Variants in ELK3 observed in about 807,000 individuals in gnomAD.
ELK3 encodes the protein ETS transcription factor ELK3.
Under a neutral mutation model 28.9 loss-of-function variants are expected in ELK3, and 10 were observed. That is an observed-to-expected ratio of 0.35 (90% CI 0.21 to 0.59). ELK3 has a LOEUF of 0.59. ELK3 is among the 20% of genes least tolerant of loss of function. The pLI is 0.82. For synonymous variants in ELK3, 272 were observed against 243.5 expected, an observed-to-expected ratio of 1.12 and a Z score of -1.09; for missense variants, 463 against 517.3, an observed-to-expected ratio of 0.90 and a Z score of 1.02.
Position 96,247,388 on chromosome 12 carries a change from C to T in ELK3, c.656C>T (p.Ser219Leu), listed in dbSNP as rs143859184. 1.6e-5 allele frequency: 26 copies of T among 1,614,060 alleles called. No homozygotes were observed. Among genetic ancestry groups the T allele is most frequent in the Admixed American group, 3.3e-5 (2 of 60,014 alleles). The change falls in exon 3 of 5, where the codon TCG becomes TTG. Residue 219 changes from serine to leucine, a missense_variant. Coordinates refer to ENST00000228741, the MANE Select transcript of ELK3 (RefSeq NM_005230.4). This position sits in a 1 kb window ranked among gnomAD's most constrained non-coding sequence, Gnocchi z 5.5. ...TCCGCCTTCCTGGCCTCGTCCGTCT[C>T]GGCCAAGATCTCCTCTTTAATGTTG... Reference protein sequence around the residue: ...AASAFLASSVSAKISSLMLPN... With the variant: ...AASAFLASSVLAKISSLMLPN...
chr12:96,220,340 G>T (rs1277779070), intron 1 of ELK3, among the ~76,000 whole-genome samples: 1 of 150,058 alleles, frequency 6.7e-6, no homozygotes, highest in East Asian at 1.9e-4. Flanking sequence ...GTAAAAATGT[G>T]ATCAGCCGAT....
At chr12:96,203,383 G>T (rs1288265531) in intron 1 of ELK3, among the ~76,000 whole-genome samples, 1 of 152,224 alleles carries the variant, frequency 6.6e-6, no homozygotes, top group Non-Finnish European at 1.5e-5. Context: ...GTCATGTGCT[G>T]CATGTCTGCG....
intron 1 of ELK3, among the ~76,000 whole-genome samples, chr12:96,217,791 A>G (rs1951629648): frequency 6.6e-6 from 1 of 151,990 alleles, no homozygotes; most frequent in African/African-American, 2.4e-5. Context: ...CAAAAAAATT[A>G]GCTGGGCGTG....
In ELK3 at chr12:96,253,325, T is replaced by C. The variant is rs377253562; in HGVS notation, c.1002+5591T>C. The stretch of plus-strand genomic sequence containing the variant: ...TGTGGCAAACTTCATTATTGTCTTA[T>C]TTTAAGAAACTGCCACAGCCACCCC... On this transcript the variant is annotated intron_variant, in intron 3 of 4. Coordinates refer to ENST00000228741, the MANE Select transcript of ELK3 (RefSeq NM_005230.4). Among the ~76,000 whole-genome samples, 14 of 152,340 alleles carry C rather than the reference T, an allele frequency of 9.2e-5. No homozygotes were observed. In the East Asian group the frequency reaches 2.5e-3, roughly 27 times the overall value.
At chr12:96,197,120 C>A (rs1242419348) in intron 1 of ELK3, among the ~76,000 whole-genome samples, 3 of 152,088 alleles carry the variant, frequency 2.0e-5, no homozygotes, top group Non-Finnish European at 2.9e-5. Context: ...AGGTTGTAAA[C>A]TCTCTCCAGA....
At chr12:96,220,969 G>A (rs1240887115) in intron 1 of ELK3, among the ~76,000 whole-genome samples, 1 of 152,130 alleles carries the variant, frequency 6.6e-6, no homozygotes, top group Non-Finnish European at 1.5e-5. Flanking sequence ...TCATTCTGGG[G>A]CAGCAGCTTC....
At chr12:96,264,972 G>A (rs1474226825) in intron 4 of ELK3, among the ~76,000 whole-genome samples, 1 of 152,174 alleles carries the variant, frequency 6.6e-6, no homozygotes, top group African/African-American at 2.4e-5. Context: ...CTCGTAAGTG[G>A]TGGAGCCCTG....
intron 2 of ELK3, among the ~76,000 whole-genome samples, chr12:96,239,369 G>C: frequency 6.6e-6 from 1 of 152,054 alleles, no homozygotes; most frequent in Non-Finnish European, 1.5e-5. Flanking sequence ...TAGCAATGTC[G>C]TGTCCCCTGA....
chr12:96,229,063 G>A (rs115492985), intron 2 of ELK3, among the ~76,000 whole-genome samples: 383 of 152,244 alleles, frequency 2.5e-3, no homozygotes, highest in African/African-American at 8.6e-3. Context: ...CACTTTTGTC[G>A]CTCTGGTACC....
chr12:96,239,283 C>A (rs1951804278), intron 2 of ELK3, among the ~76,000 whole-genome samples: 1 of 152,044 alleles, frequency 6.6e-6, no homozygotes, highest in Non-Finnish European at 1.5e-5. Flanking sequence ...TGCAATAGAA[C>A]ATTTTTAAAA....
chr12:96,210,597 A>ACACACACCC (rs1416746905), intron 1 of ELK3, among the ~76,000 whole-genome samples: 21 of 149,068 alleles, frequency 1.4e-4, no homozygotes, highest in Admixed American at 9.4e-4. Flanking sequence ...ACACACACAC[A>ACACACACCC]CCCCGAGTGG....
chr12:96,209,774 A>T (rs1426125593), intron 1 of ELK3, among the ~76,000 whole-genome samples: 1 of 152,220 alleles, frequency 6.6e-6, no homozygotes, highest in Non-Finnish European at 1.5e-5. Flanking sequence ...AAAGGATTAC[A>T]TATTTTTACT....
At chr12:96,201,602 AG>A (rs1425482336) in intron 1 of ELK3, among the ~76,000 whole-genome samples, 1 of 123,984 alleles carries the variant, frequency 8.1e-6, no homozygotes, top group African/African-American at 3.0e-5. Flanking sequence ...AAAAAAAAAA[AG>A]GGATTGAAGT....
chr12:96,263,036 G>A (rs1391170817), intron 4 of ELK3, among the ~76,000 whole-genome samples: 1 of 152,010 alleles, frequency 6.6e-6, no homozygotes, highest in East Asian at 1.9e-4. Flanking sequence ...AATGAAGGAA[G>A]AAAAAAATAG....
chr12:96,197,065 C>T (rs918994145), intron 1 of ELK3, among the ~76,000 whole-genome samples: 1 of 152,108 alleles, frequency 6.6e-6, no homozygotes, highest in African/African-American at 2.4e-5. Context: ...AGAAAAAAGA[C>T]TTACGAGATC....
intron 1 of ELK3, among the ~76,000 whole-genome samples, chr12:96,217,352 G>A (rs1424737534): frequency 6.6e-6 from 1 of 152,206 alleles, no homozygotes; most frequent in Non-Finnish European, 1.5e-5. Flanking sequence ...ATTTTACAAC[G>A]TTGTTGACTA....
At chr12:96,240,498 T>C (rs1387633636) in intron 2 of ELK3, among the ~76,000 whole-genome samples, 3 of 152,170 alleles carry the variant, frequency 2.0e-5, no homozygotes, top group East Asian at 1.9e-4. Flanking sequence ...AGCTGAGGCA[T>C]TGAACTCAGG....
rs117408928 is a variant in ELK3, at chr12:96,264,851, C to T, written c.1126-2231C>T. ...GATTGATGACTTATTGTGTGCAAGACGTTGTTCTTAGCACTTTTGGTGGCT... is the reference window on the plus strand; with the variant it reads ...GATTGATGACTTATTGTGTGCAAGATGTTGTTCTTAGCACTTTTGGTGGCT... On this transcript the variant is annotated intron_variant, in intron 4 of 4. Transcript: ENST00000228741. Among the ~76,000 whole-genome samples, 1,011 of 152,274 alleles carry T rather than the reference C, an allele frequency of 6.6e-3. 5 individuals are homozygous for T. The highest frequency in any genetic ancestry group is 0.014 in the Middle Eastern group (4 of 294).
At chr12:96,249,030 C>T (rs561917539) in intron 3 of ELK3, among the ~76,000 whole-genome samples, 2 of 152,284 alleles carry the variant, frequency 1.3e-5, no homozygotes, top group African/African-American at 4.8e-5. Context: ...GTTTCAGATT[C>T]TGGAGGATTT....
Sources: gnomAD v4.1 joint callset for allele counts (sites outside exome capture counted in the v4.1 genomes callset) on GRCh38, gnomAD v4.1.1 for gene constraint, Gnocchi (gnomAD v3.1) non-coding constraint, MANE v1.5 for transcripts, NCBI Gene and HGNC (gene_info 2026-07-23, HGNC 2026-07-21) for gene names.